SOX5: variants seen among roughly 807,000 people sequenced by gnomAD.
SOX5 encodes the protein transcription factor SOX-5.
SOX5 carries 9 observed loss-of-function variants against 92.0 expected under a neutral mutation model. The observed-to-expected ratio is 0.10, with a 90% confidence interval of 0.06 to 0.17. SOX5 has a LOEUF of 0.17. SOX5 is among the 10% of genes least tolerant of loss of function. The probability of loss-of-function intolerance (pLI) is 1.00; values close to 1 mark genes in which losing one functional copy is unlikely to be tolerated. For synonymous variants in SOX5, 344 were observed against 336.3 expected, an observed-to-expected ratio of 1.02 and a Z score of -0.25; for missense variants, 642 against 944.5, an observed-to-expected ratio of 0.68 and a Z score of 4.20.
intron 2 of SOX5, among the ~76,000 whole-genome samples, chr12:23,871,265 C>T (rs1323632124): frequency 1.3e-5 from 2 of 152,092 alleles, no homozygotes; most frequent in Non-Finnish European, 2.9e-5. Context: ...TGTGTAATTG[C>T]TACATTTTAT....
intron 1 of SOX5, among the ~76,000 whole-genome samples, chr12:24,433,710 G>A (rs1332034538): frequency 2.6e-5 from 4 of 152,116 alleles, no homozygotes; most frequent in African/African-American, 9.7e-5. Context: ...GTTAAAATTT[G>A]GAGTGACAGC....
Position 23,556,270 on chromosome 12 carries a change from G to A in SOX5, c.1488+6988C>T, listed in dbSNP as rs192924983. 6.7e-4 allele frequency among the ~76,000 whole-genome samples: 102 copies of A among 152,210 alleles called. 1 individual carries two copies. Among genetic ancestry groups the A allele is most frequent in the African/African-American group, 2.1e-3 (87 of 41,534 alleles). On this transcript the variant is annotated intron_variant, in intron 11 of 14. Transcript: ENST00000451604. Reference sequence around the variant, plus strand: ...CTAATAATCAGTTGCCTAGAAAGCCGTTTCCCTTTCATTTTATATAAATTT... The same window carrying A: ...CTAATAATCAGTTGCCTAGAAAGCCATTTCCCTTTCATTTTATATAAATTT...
intron 1 of SOX5, among the ~76,000 whole-genome samples, chr12:24,520,085 T>TA (rs1462603031): frequency 1.0e-4 from 15 of 148,372 alleles, no homozygotes; most frequent in Non-Finnish European, 1.6e-4. Context: ...CAGGCAAAGG[T>TA]ATTCTTTAAA....
intron 9 of SOX5, chr12:23,584,597 C>T (rs1484788005): frequency 6.2e-7 from 1 of 1,607,530 alleles, no homozygotes; most frequent in Non-Finnish European, 8.5e-7. Context: ...GGTGAACCCA[C>T]TATAACTGAC....
intron 4 of SOX5, among the ~76,000 whole-genome samples, chr12:24,105,563 TAAAC>T (rs963023681): frequency 5.9e-5 from 9 of 152,066 alleles, no homozygotes; most frequent in African/African-American, 1.7e-4. Flanking sequence ...AATCAATCAA[TAAAC>T]AAACAAACCC....
chr12:23,947,189 C>T (rs1456267345), intron 1 of SOX5, among the ~76,000 whole-genome samples: 1 of 151,964 alleles, frequency 6.6e-6, no homozygotes, highest in East Asian at 1.9e-4. Context: ...ATTATGTCCT[C>T]TAGATCAAAG....
intron 3 of SOX5, among the ~76,000 whole-genome samples, chr12:23,784,137 G>A (rs986015949): frequency 2.6e-5 from 4 of 151,996 alleles, no homozygotes; most frequent in African/African-American, 9.7e-5. Context: ...AAGTAACCAT[G>A]CACAGGCCTC....
intron 4 of SOX5, among the ~76,000 whole-genome samples, chr12:24,107,044 G>GA (rs71445985): frequency 0.034 from 5,124 of 152,088 alleles, 148 homozygotes; most frequent in Middle Eastern, 0.12. Context: ...TGGAACAAAT[G>GA]AAAAGTAGTT....
chr12:23,784,754 C>A (rs756406159), intron 3 of SOX5, among the ~76,000 whole-genome samples: 23 of 152,170 alleles, frequency 1.5e-4, no homozygotes, highest in East Asian at 3.9e-4. Flanking sequence ...TTTGAAGAAG[C>A]ATTGCAACTC....
At chr12:23,688,518 G>T (rs959749723) in intron 6 of SOX5, among the ~76,000 whole-genome samples, 4 of 152,014 alleles carry the variant, frequency 2.6e-5, no homozygotes, top group Non-Finnish European at 5.9e-5. Flanking sequence ...AAATAGGAAT[G>T]GTTGTAAAGT....
chr12:24,357,112 A>T (rs1372185625), intron 2 of SOX5, among the ~76,000 whole-genome samples: 1 of 152,192 alleles, frequency 6.6e-6, no homozygotes, highest in East Asian at 1.9e-4. Flanking sequence ...TTTCTTCCAG[A>T]GAAGTTTGGT....
intron 2 of SOX5, among the ~76,000 whole-genome samples, chr12:24,324,043 C>T (rs1003575606): frequency 2.0e-5 from 3 of 152,084 alleles, no homozygotes; most frequent in Admixed American, 6.6e-5. Flanking sequence ...TGGACTGGAT[C>T]GTCCTTTGCT....
chr12:23,699,425 C>A (rs73282013), intron 6 of SOX5, among the ~76,000 whole-genome samples: 125 of 152,296 alleles, frequency 8.2e-4, no homozygotes, highest in African/African-American at 2.8e-3. Context: ...CAGAAAACAT[C>A]CATTGACTGA....
chr12:23,837,231 T>C (rs906164538), intron 3 of SOX5, among the ~76,000 whole-genome samples: 6 of 82,890 alleles, frequency 7.2e-5, no homozygotes, highest in African/African-American at 2.0e-4. Flanking sequence ...ATATATAATA[T>C]ATATTTATAT....
At chr12:23,631,374 C>T (rs1381672598) in intron 8 of SOX5, among the ~76,000 whole-genome samples, 1 of 152,050 alleles carries the variant, frequency 6.6e-6, no homozygotes, top group East Asian at 1.9e-4. Flanking sequence ...AATCTGTGAA[C>T]TTGAAACACA....
At chr12:24,126,582 A>C (rs1949124697) in intron 4 of SOX5, among the ~76,000 whole-genome samples, 1 of 152,226 alleles carries the variant, frequency 6.6e-6, no homozygotes, top group South Asian at 2.1e-4. Flanking sequence ...CATTCTATTC[A>C]GCCCATTAGC....
At chr12:24,233,005 A>G (rs969584790) in intron 3 of SOX5, among the ~76,000 whole-genome samples, 2 of 152,192 alleles carry the variant, frequency 1.3e-5, no homozygotes, top group Non-Finnish European at 2.9e-5. Flanking sequence ...TGGCTCCTGT[A>G]TAAGTTGAGT....
intron 3 of SOX5, among the ~76,000 whole-genome samples, chr12:23,794,385 T>A (rs1379037592): frequency 6.6e-6 from 1 of 152,174 alleles, no homozygotes; most frequent in Non-Finnish European, 1.5e-5. Flanking sequence ...ACATATTTTT[T>A]CACAGATCTT....
intron 1 of SOX5, among the ~76,000 whole-genome samples, chr12:24,488,170 G>C (rs1383070494): frequency 2.1e-5 from 3 of 145,726 alleles, no homozygotes; most frequent in African/African-American, 7.7e-5. Context: ...TAAAATGTTT[G>C]CTTTTACTTA....
Sources: allele counts gnomAD v4.1 joint callset (sites outside exome capture counted in the v4.1 genomes callset), GRCh38; gene constraint gnomAD v4.1.1; transcripts MANE v1.5; gene names NCBI Gene and HGNC (gene_info 2026-07-23, HGNC 2026-07-21).